ARHGAP42: variants seen among roughly 807,000 people sequenced by gnomAD.
ARHGAP42 encodes rho GTPase-activating protein 42.
In ARHGAP42, 63 loss-of-function variants were observed where a neutral mutation model predicts 125.0. The observed-to-expected ratio is 0.50, with a 90% CI of 0.41 to 0.62. The LOEUF (loss-of-function observed/expected upper bound fraction) is 0.62, where lower values mean the gene tolerates loss of function less well. ARHGAP42 is among the 20% of genes least tolerant of loss of function. The pLI, the probability that ARHGAP42 is intolerant of heterozygous loss-of-function variation, is 0.00. For missense variants in ARHGAP42, 766 were observed against 1,024.2 expected (o/e 0.75, Z 3.44); for synonymous variants, 339 against 351.0 (o/e 0.97, Z 0.38).
chr11:100,880,427 A>G (rs1196078720), intron 4 of ARHGAP42, among the ~76,000 whole-genome samples: 3 of 152,122 alleles, frequency 2.0e-5, no homozygotes, highest in African/African-American at 4.8e-5. Context: ...TGCGAATGCT[A>G]TTCATTCCTT....
At chr11:100,954,503 C>T (rs769854283) in intron 12 of ARHGAP42, among the ~76,000 whole-genome samples, 3 of 152,042 alleles carry the variant, frequency 2.0e-5, no homozygotes, top group Admixed American at 6.6e-5. Context: ...CAAGTGTACC[C>T]GTGTATCTAT....
chr11:100,770,377 A>G lies in ARHGAP42; in HGVS notation c.189A>G (p.Ser63=), dbSNP rs888057325. The G allele has an allele frequency of 6.5e-7, 1 of 1,550,324 alleles. No individual in the cohort carries two copies. The highest frequency in any genetic ancestry group is 8.7e-7 in the Non-Finnish European group (1 of 1,146,648). ...TGGCAGTGCAGAAATTTTCCCAGTC[A>G]TTGCAAGATTTCCAGTTTGAATGTA... ...LSMAVQKFSQ[S]LQDFQFECIG... The change falls in exon 2 of 24, where the codon TCA becomes TCG. Residue 63 remains serine, a synonymous_variant. Transcript: ENST00000298815.
rs1056694478 is a variant in ARHGAP42 at position 100,965,783 on chromosome 11, C to A, written c.1550+7C>A. 1.3e-6 allele frequency: 2 copies of A among 1,541,592 alleles called. No individual in the cohort carries two copies. The highest frequency in any genetic ancestry group is 1.8e-6 in the Non-Finnish European group (2 of 1,138,178). On this transcript the variant is annotated splice_region_variant and intron_variant, in intron 17 of 23. Transcript: ENST00000298815. Reference sequence around the variant, plus strand: ...TAATAAAGCATCTGGTCAAGTAATTCTCTAACTTACATTGTTCATTTAACT... The same window carrying A: ...TAATAAAGCATCTGGTCAAGTAATTATCTAACTTACATTGTTCATTTAACT...
At chr11:100,908,489 T>TA (rs1364687955) in intron 4 of ARHGAP42, among the ~76,000 whole-genome samples, 8 of 152,316 alleles carry the variant, frequency 5.3e-5, no homozygotes, top group African/African-American at 1.9e-4. Context: ...AGTTAGAACA[T>TA]ACAGTTTTTG....
chr11:100,787,358 T>A (rs1863461966), intron 2 of ARHGAP42, among the ~76,000 whole-genome samples: 1 of 152,192 alleles, frequency 6.6e-6, no homozygotes, highest in African/African-American at 2.4e-5. Flanking sequence ...TTCCCATTTA[T>A]CTTTCGCCAC....
At chr11:100,985,660 G>C (rs1259255303) in intron 22 of ARHGAP42, among the ~76,000 whole-genome samples, 1 of 152,104 alleles carries the variant, frequency 6.6e-6, no homozygotes, top group Admixed American at 6.5e-5. Flanking sequence ...TGTTTCACTG[G>C]GACGTTGTGC....
At chr11:100,841,771 G>T (rs1591228890) in intron 3 of ARHGAP42, among the ~76,000 whole-genome samples, 1 of 152,244 alleles carries the variant, frequency 6.6e-6, no homozygotes, top group East Asian at 1.9e-4. Context: ...GGAGGCGGTT[G>T]AGGAGTTCTT....
chr11:100,833,083 T>C (rs1864699983), intron 3 of ARHGAP42, among the ~76,000 whole-genome samples: 1 of 152,212 alleles, frequency 6.6e-6, no homozygotes, highest in African/African-American at 2.4e-5. Context: ...GTTATCTGAA[T>C]ATCTGCCATT....
intron 5 of ARHGAP42, among the ~76,000 whole-genome samples, chr11:100,916,385 C>G (rs561027371): frequency 6.6e-6 from 1 of 152,122 alleles, no homozygotes; most frequent in East Asian, 1.9e-4. Context: ...GCTATCATCT[C>G]TTATATACAA....
intron 22 of ARHGAP42, among the ~76,000 whole-genome samples, chr11:100,985,755 A>T (rs1469167674): frequency 6.6e-6 from 1 of 152,166 alleles, no homozygotes; most frequent in Non-Finnish European, 1.5e-5. Flanking sequence ...TGATGAAAAG[A>T]CTGGAGGCAG....
intron 4 of ARHGAP42, among the ~76,000 whole-genome samples, chr11:100,905,832 G>A (rs184877783): frequency 7.8e-4 from 118 of 152,152 alleles, no homozygotes; most frequent in African/African-American, 2.6e-3. Context: ...ACCAAAATTA[G>A]CCAGGAATGG....
rs1858733602 is a variant in ARHGAP42 at position 100,988,136 on chromosome 11, A to G, written c.2536+544A>G. Among the ~76,000 whole-genome samples, 3 of 152,262 alleles carry G rather than the reference A, an allele frequency of 2.0e-5. No individual in the cohort carries two copies. In the South Asian group the frequency reaches 6.2e-4, roughly 32 times the overall value. On this transcript the variant is annotated intron_variant, in intron 23 of 23. Coordinates refer to ENST00000298815, the MANE Select transcript of ARHGAP42 (RefSeq NM_152432.4). Reference sequence around the variant, plus strand: ...AGCAAGACTCTGTCTATAAATAAATAAAACATTTTAAAATTCCCTCTGGAT... The same window carrying G: ...AGCAAGACTCTGTCTATAAATAAATGAAACATTTTAAAATTCCCTCTGGAT...
At chr11:100,849,661 G>T (rs890142134) in intron 3 of ARHGAP42, among the ~76,000 whole-genome samples, 2 of 151,914 alleles carry the variant, frequency 1.3e-5, no homozygotes, top group Non-Finnish European at 2.9e-5. Flanking sequence ...TATTTAAAAA[G>T]ATTATTTTCT....
At chr11:100,884,679 C>T (rs1850755604) in intron 4 of ARHGAP42, among the ~76,000 whole-genome samples, 1 of 152,070 alleles carries the variant, frequency 6.6e-6, no homozygotes, top group Admixed American at 6.6e-5. Context: ...GCCTCCGTGT[C>T]CCCCCAACCC....
intron 17 of ARHGAP42, among the ~76,000 whole-genome samples, chr11:100,972,861 A>G (rs577635736): frequency 6.6e-6 from 1 of 152,340 alleles, no homozygotes; most frequent in South Asian, 2.1e-4. Flanking sequence ...TTGTTCCAAA[A>G]GAAATATAGT....
Position 100,988,761 on chromosome 11 carries a change from A to G in ARHGAP42, c.2585A>G (p.Lys862Arg), listed in dbSNP as rs1858753866. 1 of 1,550,356 alleles carries G rather than the reference A, an allele frequency of 6.5e-7. No individual in the cohort carries two copies. The highest frequency in any genetic ancestry group is 1.2e-5 in the South Asian group (1 of 83,996). The change falls in exon 24 of 24, where the codon AAA becomes AGA. Residue 862 changes from lysine (K) to arginine (R), a missense_variant. Transcript: ENST00000298815. ...TGGTTAAAGGCAACTTATGAAGGCA[A>G]AACAGGACTAGTTCCAGAAAATTAT... ...PGWLKATYEG[K>R]TGLVPENYVV... is the part of the protein sequence containing the mutation.
chr11:100,755,673 A>G (rs1862557164), intron 1 of ARHGAP42, among the ~76,000 whole-genome samples: 1 of 152,162 alleles, frequency 6.6e-6, no homozygotes, highest in African/African-American at 2.4e-5. Context: ...ATCTGCCAAA[A>G]ACAAACCCAA....
chr11:100,974,103 C>A (rs1272043512), intron 18 of ARHGAP42, among the ~76,000 whole-genome samples: 2 of 152,170 alleles, frequency 1.3e-5, no homozygotes, highest in Non-Finnish European at 2.9e-5. Context: ...AAGCAAGGAG[C>A]CATTCAGTGG....
chr11:100,739,989 T>A lies in ARHGAP42; in HGVS notation c.155-30354T>A, dbSNP rs549969024. ...GTGAAAAAATTTTGTGTGTGATTTG[T>A]TTTTTGCGTGTTGAAATATTATTTT... On this transcript the variant is annotated intron_variant, in intron 1 of 23. Transcript: ENST00000298815. Among the ~76,000 whole-genome samples, 4 of 152,288 alleles carry A rather than the reference T, an allele frequency of 2.6e-5. No homozygotes were observed. In the East Asian group the frequency reaches 7.7e-4, roughly 29 times the overall value.
Sources: gnomAD v4.1 joint callset for allele counts (sites outside exome capture counted in the v4.1 genomes callset) on GRCh38, gnomAD v4.1.1 for gene constraint, MANE v1.5 for transcripts, NCBI Gene and HGNC (gene_info 2026-07-23, HGNC 2026-07-21) for gene names.